The following CADPS variants were observed in gnomAD, a reference collection of about 807,000 sequenced individuals.
CADPS encodes the protein calcium dependent secretion activator, also known as calcium-dependent secretion activator 1.
In CADPS, 57 loss-of-function variants were observed where a neutral mutation model predicts 167.3. The ratio of observed to expected loss-of-function variants is 0.34; its 90% CI spans 0.28 to 0.42. The LOEUF (loss-of-function observed/expected upper bound fraction) is 0.42, where lower values mean the gene tolerates loss of function less well. CADPS is among the 20% of genes least tolerant of loss of function. The pLI is 1.00. For missense variants in CADPS, 1,414 were observed against 1,738.1 expected (o/e 0.81, Z 3.32); for synonymous variants, 676 against 635.3 (o/e 1.06, Z -0.96).
At chr3:62,703,228 A>G (rs1457805282) in intron 3 of CADPS, among the ~76,000 whole-genome samples, 1 of 152,170 alleles carries the variant, frequency 6.6e-6, no homozygotes, top group Non-Finnish European at 1.5e-5. Context: ...TGAGAAATCT[A>G]TGAACATTTA....
intron 3 of CADPS, among the ~76,000 whole-genome samples, chr3:62,684,081 G>A (rs1317183029): frequency 4.6e-5 from 7 of 152,014 alleles, no homozygotes; most frequent in Non-Finnish European, 8.8e-5. Flanking sequence ...AACTTACAGG[G>A]CAAGTTTTGC....
At chr3:62,512,162 C>T (rs2067985620) in intron 17 of CADPS, among the ~76,000 whole-genome samples, 1 of 152,070 alleles carries the variant, frequency 6.6e-6, no homozygotes, top group Non-Finnish European at 1.5e-5. Context: ...GACTTCTCCT[C>T]AAAATAAGAT....
intron 3 of CADPS, among the ~76,000 whole-genome samples, chr3:62,688,788 C>T (rs947319228): frequency 7.9e-5 from 12 of 152,014 alleles, no homozygotes; most frequent in African/African-American, 2.9e-4. Context: ...CCTTGCTCTC[C>T]CTTCTCACTA....
chr3:62,549,881 G>A, intron 11 of CADPS, 22 bp downstream of exon 11: 1 of 1,588,074 alleles, frequency 6.3e-7, no homozygotes, highest in Non-Finnish European at 8.6e-7. Flanking sequence ...AGCTATTTTT[G>A]TAAAACGGCA....
chr3:62,613,732 A>C (rs983156536), intron 6 of CADPS, among the ~76,000 whole-genome samples: 4 of 152,220 alleles, frequency 2.6e-5, no homozygotes, highest in African/African-American at 9.6e-5. Flanking sequence ...CAGGGGTATC[A>C]TCTCCTAGAC....
chr3:62,555,335 G>A (rs1256566969), intron 10 of CADPS, among the ~76,000 whole-genome samples: 1 of 152,168 alleles, frequency 6.6e-6, no homozygotes, highest in African/African-American at 2.4e-5. Context: ...TACACATGTA[G>A]ATAGAATAGC....
chr3:62,664,918 TCATTA>T, intron 3 of CADPS, among the ~76,000 whole-genome samples: 1 of 152,366 alleles, frequency 6.6e-6, no homozygotes, highest in South Asian at 2.1e-4. Context: ...ATTCTTTTAT[TCATTA>T]CTTCACTAAT....
At chr3:62,560,967 T>A (rs2079042668) in intron 9 of CADPS, among the ~76,000 whole-genome samples, 1 of 150,538 alleles carries the variant, frequency 6.6e-6, no homozygotes, top group African/African-American at 2.4e-5. Flanking sequence ...TAATCTCAGC[T>A]ACTCCGGAGG....
At chr3:62,743,303 G>C (rs1311750202) in intron 3 of CADPS, among the ~76,000 whole-genome samples, 1 of 152,156 alleles carries the variant, frequency 6.6e-6, no homozygotes, top group East Asian at 1.9e-4. Context: ...GCCTGCTTTT[G>C]TAAATAAAGT....
intron 28 of CADPS, among the ~76,000 whole-genome samples, chr3:62,406,760 C>T (rs1352434260): frequency 6.6e-6 from 1 of 152,208 alleles, no homozygotes; most frequent in Non-Finnish European, 1.5e-5. Flanking sequence ...TTGAACTTGT[C>T]ACCCAAAAGG....
intron 28 of CADPS, among the ~76,000 whole-genome samples, chr3:62,418,256 G>T (rs992276520): frequency 6.7e-6 from 1 of 148,222 alleles, no homozygotes; most frequent in Non-Finnish European, 1.5e-5. Context: ...TATTTTTCCT[G>T]TTTCTGAGCC....
intron 26 of CADPS, among the ~76,000 whole-genome samples, chr3:62,449,202 G>C (rs536113876): frequency 4.6e-5 from 7 of 152,212 alleles, no homozygotes; most frequent in Non-Finnish European, 1.0e-4. Context: ...CATTTCTGGT[G>C]ATAGAGACCT....
chr3:62,556,857 A>G (rs1291509967), intron 10 of CADPS, among the ~76,000 whole-genome samples: 1 of 151,788 alleles, frequency 6.6e-6, no homozygotes, highest in Non-Finnish European at 1.5e-5. Context: ...TTAGGGAAAA[A>G]GACATTTAGG....
chr3:62,643,582 C>A (rs1434716935), intron 6 of CADPS, among the ~76,000 whole-genome samples: 1 of 152,206 alleles, frequency 6.6e-6, no homozygotes, highest in Non-Finnish European at 1.5e-5. Flanking sequence ...ATCTGAAATT[C>A]TGTTTTAACC....
At chr3:62,722,304 A>G (rs148523373) in intron 3 of CADPS, among the ~76,000 whole-genome samples, 1 of 152,318 alleles carries the variant, frequency 6.6e-6, no homozygotes, top group Non-Finnish European at 1.5e-5. Flanking sequence ...AGGGCACCTC[A>G]AGGCTTTGCA....
chr3:62,649,319 ATC>A (rs1267319061), intron 5 of CADPS, among the ~76,000 whole-genome samples: 2 of 152,144 alleles, frequency 1.3e-5, no homozygotes, highest in African/African-American at 4.8e-5. Flanking sequence ...TGTTTTACAT[ATC>A]ATATAATAAA....
At chr3:62,675,174 G>T (rs1000407040) in intron 3 of CADPS, among the ~76,000 whole-genome samples, 1 of 152,002 alleles carries the variant, frequency 6.6e-6, no homozygotes, top group African/African-American at 2.4e-5. Flanking sequence ...TTCAGGCTCA[G>T]TGTGACAGGG....
chr3:62,460,460 C>T (rs1056137238), intron 26 of CADPS, among the ~76,000 whole-genome samples: 2 of 152,230 alleles, frequency 1.3e-5, no homozygotes, highest in African/African-American at 4.8e-5. Context: ...GCCGTCTCTC[C>T]TACCCTGGAC....
chr3:62,448,893 C>T (rs890004951), intron 26 of CADPS, among the ~76,000 whole-genome samples: 8 of 152,040 alleles, frequency 5.3e-5, no homozygotes, highest in African/African-American at 1.7e-4. Flanking sequence ...GGATTACAGG[C>T]GTGAGCCACC....
Sources: allele counts gnomAD v4.1 joint callset (sites outside exome capture counted in the v4.1 genomes callset), GRCh38; gene constraint gnomAD v4.1.1; transcripts MANE v1.5; gene names NCBI Gene and HGNC (gene_info 2026-07-23, HGNC 2026-07-21).